Variants in SPOCK3 observed in about 807,000 individuals in gnomAD.
SPOCK3 encodes the protein testican-3.
SPOCK3 carries 30 observed loss-of-function variants against 56.6 expected under a neutral mutation model. That is an observed-to-expected ratio of 0.53 (90% CI 0.40 to 0.72). The LOEUF is 0.72. Among genes scored for constraint, SPOCK3 ranks in the 30% least tolerant of loss-of-function variants. SPOCK3 has a pLI of 0.00. For synonymous variants in SPOCK3, 196 were observed against 183.3 expected, an observed-to-expected ratio of 1.07 and a Z score of -0.56; for missense variants, 527 against 530.0, an observed-to-expected ratio of 0.99 and a Z score of 0.06.
chr4:166,836,885 T>C (rs1746675569), intron 6 of SPOCK3, among the ~76,000 whole-genome samples: 1 of 152,210 alleles, frequency 6.6e-6, no homozygotes. Context: ...CAAACAAAAA[T>C]TTCCCTTACT....
intron 4 of SPOCK3, among the ~76,000 whole-genome samples, chr4:166,946,620 CAG>C (rs933069886): frequency 6.9e-4 from 105 of 152,344 alleles, no homozygotes; most frequent in African/African-American, 2.4e-3. Flanking sequence ...TCATCCTCGT[CAG>C]CACTGCATTC....
intron 3 of SPOCK3, among the ~76,000 whole-genome samples, chr4:167,046,553 T>C (rs1753753679): frequency 6.7e-6 from 1 of 149,324 alleles, no homozygotes; most frequent in Admixed American, 6.8e-5. Context: ...CCACCGGGGT[T>C]CAAGTGACTC....
At chr4:167,171,590 C>T (rs1388946283) in intron 2 of SPOCK3, among the ~76,000 whole-genome samples, 1 of 151,948 alleles carries the variant, frequency 6.6e-6, no homozygotes. Flanking sequence ...TATATTTCCT[C>T]TTAAATGTTC....
chr4:167,004,950 TA>T (rs1292195626), intron 3 of SPOCK3, among the ~76,000 whole-genome samples: 2 of 152,100 alleles, frequency 1.3e-5, no homozygotes, highest in Non-Finnish European at 2.9e-5. Flanking sequence ...AAGGAGAGGT[TA>T]GGGGAAAGAT....
intron 6 of SPOCK3, among the ~76,000 whole-genome samples, chr4:166,847,418 T>TA (rs1301705725): frequency 6.6e-6 from 1 of 151,748 alleles, no homozygotes; most frequent in Non-Finnish European, 1.5e-5. Flanking sequence ...TCTAATATCA[T>TA]AAGGCACCTG....
chr4:167,060,491 C>G (rs1755476795), intron 3 of SPOCK3, among the ~76,000 whole-genome samples: 2 of 151,948 alleles, frequency 1.3e-5, no homozygotes, highest in South Asian at 4.1e-4. Context: ...GTCAATTTGA[C>G]TCAAAGCGAA....
At chr4:166,921,529 G>C (rs144579737) in intron 4 of SPOCK3, among the ~76,000 whole-genome samples, 1,970 of 152,100 alleles carry the variant, frequency 0.013, 37 homozygotes, top group African/African-American at 0.045. Context: ...TGTTGGCCAG[G>C]ATAGTCTCAA....
At chr4:167,185,381 A>T (rs971906980) in intron 2 of SPOCK3, among the ~76,000 whole-genome samples, 3 of 152,152 alleles carry the variant, frequency 2.0e-5, no homozygotes, top group African/African-American at 7.2e-5. Flanking sequence ...TGTTACCCAT[A>T]CTTCCAAGAG....
intron 2 of SPOCK3, among the ~76,000 whole-genome samples, chr4:167,126,064 T>C (rs572920663): frequency 6.6e-6 from 1 of 152,290 alleles, no homozygotes; most frequent in Non-Finnish European, 1.5e-5. Context: ...CTTGAAAATA[T>C]ATACTTATTC....
At chr4:167,107,283 A>T (rs889633958) in intron 2 of SPOCK3, among the ~76,000 whole-genome samples, 2 of 151,966 alleles carry the variant, frequency 1.3e-5, no homozygotes, top group African/African-American at 4.8e-5. Flanking sequence ...ATTCAACAAC[A>T]CATTGAAAAG....
intron 6 of SPOCK3, among the ~76,000 whole-genome samples, chr4:166,868,751 G>A (rs1191633289): frequency 1.3e-5 from 2 of 151,918 alleles, no homozygotes; most frequent in African/African-American, 2.4e-5. Context: ...ACTTAATCCC[G>A]CGAAAATAAA....
intron 2 of SPOCK3, among the ~76,000 whole-genome samples, chr4:167,206,347 T>A (rs1272006087): frequency 6.6e-6 from 1 of 152,010 alleles, no homozygotes; most frequent in East Asian, 1.9e-4. Context: ...AAAATAAGTA[T>A]GTTTATGTAT....
intron 3 of SPOCK3, among the ~76,000 whole-genome samples, chr4:167,020,377 C>T (rs1751053132): frequency 6.6e-6 from 1 of 152,052 alleles, no homozygotes; most frequent in African/African-American, 2.4e-5. Context: ...TTCTCTATTG[C>T]TTATAGATTG....
intron 2 of SPOCK3, among the ~76,000 whole-genome samples, chr4:167,136,169 G>A (rs1763103330): frequency 6.6e-6 from 1 of 152,016 alleles, no homozygotes; most frequent in Non-Finnish European, 1.5e-5. Flanking sequence ...AGAAACTGGT[G>A]GTGCAACCCA....
At chr4:166,954,560 T>C (rs1414934187) in intron 4 of SPOCK3, among the ~76,000 whole-genome samples, 1 of 152,154 alleles carries the variant, frequency 6.6e-6, no homozygotes, top group African/African-American at 2.4e-5. Context: ...ATGAAGCAAC[T>C]GTCCTTTTCC....
At chr4:166,937,284 T>C (rs1740514531) in intron 4 of SPOCK3, among the ~76,000 whole-genome samples, 1 of 151,578 alleles carries the variant, frequency 6.6e-6, no homozygotes, top group Non-Finnish European at 1.5e-5. Context: ...AGGAAAGTAA[T>C]TTTTCCCAGG....
At chr4:166,764,672 C>A (rs1383876582) in intron 7 of SPOCK3, among the ~76,000 whole-genome samples, 1 of 152,070 alleles carries the variant, frequency 6.6e-6, no homozygotes, top group Non-Finnish European at 1.5e-5. Flanking sequence ...GCCTTTATAG[C>A]AGCATGATTT....
At chr4:166,860,134 T>C (rs534811716) in intron 6 of SPOCK3, among the ~76,000 whole-genome samples, 73 of 152,228 alleles carry the variant, frequency 4.8e-4, no homozygotes, top group Admixed American at 2.2e-3. Flanking sequence ...TCATATCACC[T>C]AGAGTGTTGT....
chr4:167,174,957 G>C (rs1290414103), intron 2 of SPOCK3, among the ~76,000 whole-genome samples: 1 of 151,988 alleles, frequency 6.6e-6, no homozygotes, highest in African/African-American at 2.4e-5. Context: ...CAAATCTAAT[G>C]AAAGTCAGAT....
Sources: allele counts gnomAD v4.1 joint callset (sites outside exome capture counted in the v4.1 genomes callset), GRCh38; gene constraint gnomAD v4.1.1; transcripts MANE v1.5; gene names NCBI Gene and HGNC (gene_info 2026-07-23, HGNC 2026-07-21).